CDC42BPG: variants seen among roughly 807,000 people sequenced by gnomAD.
CDC42BPG encodes CDC42 binding protein kinase gamma.
A neutral mutation model predicts 192.2 loss-of-function variants in CDC42BPG; 157 were observed. That is an observed-to-expected ratio of 0.82 (90% CI 0.72 to 0.93). CDC42BPG has a LOEUF of 0.93. Ranked by LOEUF, CDC42BPG falls within the 40% of genes least tolerant of loss-of-function variation. The probability of loss-of-function intolerance (pLI) is 0.00; values close to 1 mark genes in which losing one functional copy is unlikely to be tolerated. For missense variants in CDC42BPG, 1,992 were observed against 2,122.1 expected (o/e 0.94, Z 1.20); for synonymous variants, 981 against 918.5 (o/e 1.07, Z -1.23).
chr11:64,843,351 GACA>G (rs1483186531), intron 1 of CDC42BPG, among the ~76,000 whole-genome samples: 1 of 151,838 alleles, frequency 6.6e-6, no homozygotes, highest in African/African-American at 2.4e-5. Context: ...TGGGGGGGGT[GACA>G]ACAACACAGG....
chr11:64,826,402 G>A (rs1942416879), intron 36 of CDC42BPG, 68 bp downstream of exon 36: 2 of 1,094,338 alleles, frequency 1.8e-6, no homozygotes, highest in South Asian at 1.3e-5. Context: ...CACTGTGCAA[G>A]GCCTAGCATA....
At chr11:64,828,491 G>T (rs1392132670) in intron 30 of CDC42BPG, among the ~76,000 whole-genome samples, 1 of 152,236 alleles carries the variant, frequency 6.6e-6, no homozygotes, top group African/African-American at 2.4e-5. Context: ...AGAAGGAAAG[G>T]ACCAATGACG....
At chr11:64,838,962 C>A in intron 7 of CDC42BPG, 60 bp from the exon 8 acceptor site, 1 of 1,610,272 alleles carries the variant, frequency 6.2e-7, no homozygotes, top group African/African-American at 1.3e-5. Flanking sequence ...CCTCACCTGC[C>A]GGTACTTCCA....
chr11:64,824,736 A>G (rs1942354034), intron 36 of CDC42BPG, among the ~76,000 whole-genome samples: 1 of 151,972 alleles, frequency 6.6e-6, no homozygotes, highest in Admixed American at 6.6e-5. Flanking sequence ...GAATGGACTC[A>G]AAGTCCTTTT....
In CDC42BPG at chr11:64,829,978, T is replaced by C. The variant is rs1408835668; in HGVS notation, c.3460A>G (p.Ser1154Gly). ...TCCGCCAGGGCAAAGAGACGCACGC[T>C]GGGGCCGCGGCCACACAGCACGACC... is the stretch of plus-strand genomic sequence containing the variant. ...LLVVLCGRGP[S>G]VRLFALAELE... The change falls in exon 30 of 37, where the codon AGC (serine) becomes GGC (glycine). Residue 1154 changes from serine to glycine, a missense_variant. Ser to Gly is a moderately conservative substitution (Grantham distance 56). Around this residue, in one of 2 missense-constraint regions of CDC42BPG, gnomAD observed 1,656 missense variants for 1,844.3 expected, o/e 0.90. Coordinates refer to ENST00000342711, the MANE Select transcript of CDC42BPG (RefSeq NM_017525.3). 6.2e-7 allele frequency: 1 copy of C among 1,612,834 alleles called. No homozygotes were observed. The highest frequency in any genetic ancestry group is 2.2e-5 in the East Asian group (1 of 44,872).
In CDC42BPG at chr11:64,835,862, T is replaced by C; in HGVS notation, c.1669-11A>G. 6.2e-7 allele frequency: 1 copy of C among 1,605,468 alleles called. No individual in the cohort carries two copies. Among genetic ancestry groups the C allele is most frequent in the African/African-American group, 1.3e-5 (1 of 74,842 alleles). ...CACCTGGGCCTCCAGCTGTGAGGGG[T>C]GCAGAGGCAGGCCACTGCCAACTCT... is the stretch of plus-strand genomic sequence containing the variant. On this transcript the variant is annotated splice_polypyrimidine_tract_variant and intron_variant, in intron 13 of 36. Coordinates refer to ENST00000342711, the MANE Select transcript of CDC42BPG (RefSeq NM_017525.3).
chr11:64,829,788 C>T lies in CDC42BPG; in HGVS notation c.3650G>A (p.Arg1217His), dbSNP rs775095241. The change falls in exon 30 of 37, where the codon CGC (arginine) becomes CAC (histidine). Residue 1217 changes from arginine to histidine, a missense_variant. By Grantham distance (29) the Arg-to-His change is conservative. Transcript: ENST00000342711. Reference sequence around the variant, plus strand: ...AGGTGCCTGCAGCTCACGGATGCGGCGCTGCCAGGGCCCAGGGCCCGGGCC... The same window carrying T: ...AGGTGCCTGCAGCTCACGGATGCGGTGCTGCCAGGGCCCAGGGCCCGGGCC... The part of the protein sequence containing the change: ...QLGPGPGPWQ[R>H]RIRELQAPAT... 63 of 1,599,420 alleles carry T rather than the reference C, an allele frequency of 3.9e-5. 1 individual carries two copies. In the Admixed American group the frequency reaches 4.9e-4, roughly 13 times the overall value.
chr11:64,844,273 A>G, intron 1 of CDC42BPG, 137 bp downstream of exon 1: 1 of 800,586 alleles, frequency 1.2e-6, no homozygotes, highest in South Asian at 3.4e-5. Flanking sequence ...GTCCGGTGGT[A>G]CGCGTCAGGG....
Position 64,844,511 on chromosome 11 carries a change from G to T in CDC42BPG, c.59C>A (p.Pro20Gln). ...QLARGEAGGC[P>Q]GLDGLLDLLL... Reference sequence around the variant, plus strand: ...CAGATCTAGGAGGCCGTCGAGCCCCGGGCAGCCGCCGGCCTCGCCCCGCGC... The same window carrying T: ...CAGATCTAGGAGGCCGTCGAGCCCCTGGCAGCCGCCGGCCTCGCCCCGCGC... The change falls in exon 1 of 37, where the codon CCG becomes CAG. Residue 20 changes from proline (P) to glutamine (Q), a missense_variant. This residue lies in a region of CDC42BPG where 1,656 missense variants were observed against 1,844.3 expected (regional missense o/e 0.90). Coordinates refer to ENST00000342711, the MANE Select transcript of CDC42BPG (RefSeq NM_017525.3). 1 of 1,340,860 alleles carries T rather than the reference G, an allele frequency of 7.5e-7. No homozygotes were observed. The highest frequency in any genetic ancestry group is 1.8e-5 in the South Asian group (1 of 54,714). The allele number at this position is 1,340,860 out of a possible 1,614,324, so 83.1% of individuals were successfully genotyped here.
chr11:64,844,287 C>G lies in CDC42BPG; in HGVS notation c.160+123G>C, dbSNP rs570009239. The G allele has an allele frequency of 4.1e-5, 41 of 988,806 alleles. No homozygotes were observed. In the African/African-American group the frequency reaches 4.6e-4, roughly 11 times the overall value. The allele number at this position is 988,806 out of a possible 1,614,324, so 61.3% of individuals were successfully genotyped here. Reference sequence around the variant, plus strand: ...GGTCCGGTGGTACGCGTCAGGGCCACTGCAGGGAGTCTGCGAGGGAAGCCC... The same window carrying G: ...GGTCCGGTGGTACGCGTCAGGGCCAGTGCAGGGAGTCTGCGAGGGAAGCCC... On this transcript the variant is annotated intron_variant, in intron 1 of 36. Transcript: ENST00000342711.
At position 64,834,427 on chromosome 11, in the gene CDC42BPG, A is replaced by G. The variant is rs1415637844; in HGVS notation, c.2324+2T>C. 3 of 1,563,212 alleles carry G rather than the reference A, an allele frequency of 1.9e-6. No individual in the cohort carries two copies. The highest frequency in any genetic ancestry group is 8.7e-7 in the Non-Finnish European group (1 of 1,155,186). On this transcript the variant is annotated splice_donor_variant, in intron 19 of 36. Coordinates refer to ENST00000342711, the MANE Select transcript of CDC42BPG (RefSeq NM_017525.3). LOFTEE classifies it high-confidence loss of function. ...GCCCCCAGTGCCTGCCCCTAGCCTCACCGCTCAGCCTGCAGCTGGGCCTCC... is the reference window on the plus strand; with the variant it reads ...GCCCCCAGTGCCTGCCCCTAGCCTCGCCGCTCAGCCTGCAGCTGGGCCTCC...
intron 5 of CDC42BPG, 129 bp downstream of exon 5, chr11:64,839,991 C>A: frequency 1.1e-6 from 1 of 934,396 alleles, no homozygotes; most frequent in Non-Finnish European, 1.6e-6. Flanking sequence ...AGGAAGCACA[C>A]GGATGAGGCA....
chr11:64,834,751 C>T (rs1427220923), intron 18 of CDC42BPG, 98 bp downstream of exon 18: 6 of 1,366,812 alleles, frequency 4.4e-6, no homozygotes, highest in Non-Finnish European at 6.0e-6. Flanking sequence ...GCTTGGTGTC[C>T]CCACCTCCAG....
rs78471713 is a variant in CDC42BPG, at chr11:64,835,764, T to C, written c.1756A>G (p.Lys586Glu). The C allele has an allele frequency of 1.8e-3, 2,973 of 1,613,454 alleles. 83 individuals carry two copies. The East Asian group carries it at 0.057, about 31-fold the overall frequency. Residue 586 changes from lysine (K) to glutamate (E), a missense_variant and splice_region_variant, in exon 14 of 37, where the codon AAG (lysine) becomes GAG (glutamate). Coordinates refer to ENST00000342711, the MANE Select transcript of CDC42BPG (RefSeq NM_017525.3). ...EQRLEESSQA[K>E]TIHTASETNG... ...GCCAAGGGGGAGGACTTGACTACCT[T>C]GGCCTGGGACGACTCCTCAAGGCGT... is the stretch of plus-strand genomic sequence containing the variant.
chr11:64,833,722 AC>A lies in CDC42BPG; in HGVS notation c.2565+15del, dbSNP rs1475630496. Reference sequence around the variant, plus strand: ...GCGGGGCCCAGGCCCCCTACGATGGACCCACCTGTCCTCACCCCCATGCGCA... The same window carrying A: ...GCGGGGCCCAGGCCCCCTACGATGGACCACCTGTCCTCACCCCCATGCGCA... On this transcript the variant is annotated intron_variant, in intron 22 of 36. Transcript: ENST00000342711. 1 of 1,613,592 alleles carries A rather than the reference AC, an allele frequency of 6.2e-7. No homozygotes were observed. Among genetic ancestry groups the A allele is most frequent in the African/African-American group, 1.3e-5 (1 of 74,908 alleles).
In CDC42BPG at chr11:64,834,578, C is replaced by T. The variant is rs1370013202; in HGVS notation, c.2176-1G>A. ...GTCGCCGCGCCTTCCACTGGTGGTCCTGGTGGCCACGGAGCACCCGTATAA... is the reference window on the plus strand; with the variant it reads ...GTCGCCGCGCCTTCCACTGGTGGTCTTGGTGGCCACGGAGCACCCGTATAA... On this transcript the variant is annotated splice_acceptor_variant, in intron 18 of 36. Coordinates refer to ENST00000342711, the MANE Select transcript of CDC42BPG (RefSeq NM_017525.3). LOFTEE classifies it high-confidence loss of function. 6.4e-7 allele frequency: 1 copy of T among 1,554,376 alleles called. No individual in the cohort carries two copies. Among genetic ancestry groups the T allele is most frequent in the Non-Finnish European group, 8.7e-7 (1 of 1,147,306 alleles).
Position 64,844,580 on chromosome 11 carries a change from G to C in CDC42BPG, c.-11C>G, listed in dbSNP as rs953702536. 42 of 1,262,520 alleles carry C rather than the reference G, an allele frequency of 3.3e-5. No individual in the cohort carries two copies. Among genetic ancestry groups the C allele is most frequent in the Non-Finnish European group, 3.9e-5 (39 of 1,004,404 alleles). 78.2% of individuals were successfully genotyped at this position (1,262,520 alleles called of 1,614,324 possible). A position where few individuals can be genotyped will look rare whatever the true frequency, so the allele number is the denominator to read the frequency against. On this transcript the variant is annotated 5_prime_UTR_variant, in exon 1 of 37. Transcript: ENST00000342711. ...CAGCCGCCGCTCCATGGCTGCGGCC[G>C]GAGCCTCGCTGCTCGGCTACAGTCT...
chr11:64,837,026 G>A lies in CDC42BPG; in HGVS notation c.1206-7C>T, dbSNP rs1373163727. ...GCTGCTCTCAGGACTGTGACTGTAG[G>A]GGGACAGGGGCCATGTTTGTTGGTA... On this transcript the variant is annotated splice_region_variant and splice_polypyrimidine_tract_variant and intron_variant, in intron 9 of 36. Coordinates refer to ENST00000342711, the MANE Select transcript of CDC42BPG (RefSeq NM_017525.3). The A allele has an allele frequency of 6.2e-7, 1 of 1,608,988 alleles. No individual in the cohort carries two copies. Among genetic ancestry groups the A allele is most frequent in the Admixed American group, 1.7e-5 (1 of 60,020 alleles).
chr11:64,829,788 C>A lies in CDC42BPG; in HGVS notation c.3650G>T (p.Arg1217Leu), dbSNP rs775095241. The change falls in exon 30 of 37, where the codon CGC (arginine) becomes CTC (leucine). Residue 1217 changes from arginine to leucine, a missense_variant. By Grantham distance (102) the Arg-to-Leu change is moderately radical. Around this residue, in one of 2 missense-constraint regions of CDC42BPG, gnomAD observed 1,656 missense variants for 1,844.3 expected, o/e 0.90. Transcript: ENST00000342711. ...AGGTGCCTGCAGCTCACGGATGCGG[C>A]GCTGCCAGGGCCCAGGGCCCGGGCC... ...QLGPGPGPWQRRIRELQAPAT... is the reference protein window; with the variant it reads ...QLGPGPGPWQLRIRELQAPAT... 5 of 1,599,420 alleles carry A rather than the reference C, an allele frequency of 3.1e-6. No homozygotes were observed. In the Admixed American group the frequency reaches 7.0e-5, roughly 23 times the overall value.
Sources: gnomAD v4.1 joint callset for allele counts (sites outside exome capture counted in the v4.1 genomes callset) on GRCh38, gnomAD v4.1.1 for gene constraint, gnomAD v4.1.1 regional missense constraint, MANE v1.5 for transcripts, NCBI Gene and HGNC (gene_info 2026-07-23, HGNC 2026-07-21) for gene names.